Variants in C10orf67 observed in about 807,000 individuals in gnomAD.
C10orf67 encodes uncharacterized protein C10orf67, mitochondrial.
C10orf67 carries 60 observed loss-of-function variants against 35.6 expected under a neutral mutation model. The ratio of observed to expected loss-of-function variants is 1.68; its 90% CI spans 1.37 to 2.09. The LOEUF is 2.09. C10orf67 is among the 30% of genes most tolerant of loss of function. The pLI is 0.00. For synonymous variants in C10orf67, 167 were observed against 115.8 expected, an observed-to-expected ratio of 1.44 and a Z score of -2.84; for missense variants, 474 against 330.2, an observed-to-expected ratio of 1.44 and a Z score of -3.38.
At chr10:23,230,120 G>T (rs963173853) in intron 13 of C10orf67, among the ~76,000 whole-genome samples, 1 of 151,850 alleles carries the variant, frequency 6.6e-6, no homozygotes, top group Non-Finnish European at 1.5e-5. Flanking sequence ...TGTTATATTG[G>T]TGCAGGAAAA....
intron 10 of C10orf67, among the ~76,000 whole-genome samples, chr10:23,254,343 G>A (rs1173875788): frequency 6.6e-6 from 1 of 152,112 alleles, no homozygotes; most frequent in Non-Finnish European, 1.5e-5. Flanking sequence ...GAGTAGCTGG[G>A]ATTACAGGTG....
intron 4 of C10orf67, among the ~76,000 whole-genome samples, chr10:23,316,019 C>A (rs1158303671): frequency 6.6e-6 from 1 of 152,188 alleles, no homozygotes; most frequent in Non-Finnish European, 1.5e-5. Flanking sequence ...AGCCAGAAAC[C>A]TCTGTGGTCA....
intron 1 of C10orf67, among the ~76,000 whole-genome samples, chr10:23,337,331 C>T (rs1316458352): frequency 2.0e-5 from 3 of 152,106 alleles, no homozygotes; most frequent in Non-Finnish European, 4.4e-5. Context: ...CTTAGGAGTT[C>T]GAGACCAGCC....
At position 23,322,497 on chromosome 10, in the gene C10orf67, T is replaced by C; in HGVS notation, c.368A>G (p.Gln123Arg). The change falls in exon 3 of 16, where the codon CAA (glutamine) becomes CGA (arginine). Residue 123 changes from glutamine (Q) to arginine (R), a missense_variant. By Grantham distance (43) the Gln-to-Arg change is conservative (BLOSUM62 1). Coordinates refer to ENST00000636213, the MANE Select transcript of C10orf67 (RefSeq NM_001371909.1). The part of the protein sequence containing the change: ...SLQVDFGFLK[Q>R]LLQLKFEDRL... Reference sequence around the variant, plus strand: ...GTCCTCAAACTTCAACTGAAGCAATTGTTTGAGGAACCCAAAATCTACCTG... The same window carrying C: ...GTCCTCAAACTTCAACTGAAGCAATCGTTTGAGGAACCCAAAATCTACCTG... 1 of 1,612,596 alleles carries C rather than the reference T, an allele frequency of 6.2e-7. No homozygotes were observed. The highest frequency in any genetic ancestry group is 8.5e-7 in the Non-Finnish European group (1 of 1,178,794).
intron 3 of C10orf67, 58 bp from the exon 4 acceptor site, chr10:23,320,873 C>A (rs944881433): frequency 8.6e-7 from 1 of 1,163,688 alleles, no homozygotes; most frequent in Non-Finnish European, 1.2e-6. Flanking sequence ...ATGACCCACA[C>A]CTACTAGGGA....
intron 2 of C10orf67, among the ~76,000 whole-genome samples, chr10:23,323,275 C>G (rs1845029374): frequency 6.6e-6 from 1 of 152,166 alleles, no homozygotes; most frequent in Non-Finnish European, 1.5e-5. Flanking sequence ...AGCATGTTGA[C>G]TAAGAACCAT....
At chr10:23,314,146 C>T (rs868430721) in intron 4 of C10orf67, among the ~76,000 whole-genome samples, 3 of 151,984 alleles carry the variant, frequency 2.0e-5, no homozygotes, top group African/African-American at 7.3e-5. Context: ...AGAGACGGTG[C>T]CACTGCACTC....
chr10:23,320,938 AG>A lies in C10orf67; in HGVS notation c.472-124del, dbSNP rs1343834809. On this transcript the variant is annotated intron_variant, in intron 3 of 15. Coordinates refer to ENST00000636213, the MANE Select transcript of C10orf67 (RefSeq NM_001371909.1). ...ATCATCACAATCTATTGAAAACTTC[AG>A]TTCATAATCATTTCTCCCACCCTGC... is the stretch of plus-strand genomic sequence containing the variant. 3 of 660,724 alleles carry A rather than the reference AG, an allele frequency of 4.5e-6. No individual in the cohort carries two copies. The African/African-American group carries it at 5.5e-5, about 12-fold the overall frequency. 40.9% of individuals were successfully genotyped at this position (660,724 alleles called of 1,614,324 possible).
At chr10:23,219,815 T>A (rs1841529859) in intron 15 of C10orf67, among the ~76,000 whole-genome samples, 1 of 152,214 alleles carries the variant, frequency 6.6e-6, no homozygotes, top group South Asian at 2.1e-4. Context: ...ACTGTATGTT[T>A]TGATACTATT....
intron 12 of C10orf67, among the ~76,000 whole-genome samples, chr10:23,243,548 A>C (rs1030694414): frequency 6.6e-6 from 1 of 152,022 alleles, no homozygotes; most frequent in African/African-American, 2.4e-5. Flanking sequence ...TTAGCCAGGC[A>C]TGGTGGCGCA....
intron 15 of C10orf67, 36 bp from the exon 16 acceptor site, chr10:23,204,291 G>T: frequency 1.7e-6 from 1 of 590,342 alleles, no homozygotes; most frequent in South Asian, 2.2e-5. Flanking sequence ...CATAAACTTT[G>T]TTTTACTTAT....
intron 5 of C10orf67, among the ~76,000 whole-genome samples, chr10:23,297,785 C>T (rs189233292): frequency 1.1e-4 from 17 of 152,318 alleles, no homozygotes; most frequent in Admixed American, 1.0e-3. Context: ...CAGCACTGGC[C>T]CTTCAAGTAA....
chr10:23,336,357 G>A (rs1217157219), intron 1 of C10orf67, among the ~76,000 whole-genome samples: 3 of 152,002 alleles, frequency 2.0e-5, no homozygotes, highest in Non-Finnish European at 2.9e-5. Context: ...ATATATGTGT[G>A]CACATATATA....
chr10:23,269,600 T>C (rs1213458259), intron 8 of C10orf67, among the ~76,000 whole-genome samples: 1 of 152,162 alleles, frequency 6.6e-6, no homozygotes, highest in Non-Finnish European at 1.5e-5. Flanking sequence ...CAGAAATGGC[T>C]AGGATGTATT....
At chr10:23,233,238 G>A (rs1841960160) in intron 13 of C10orf67, among the ~76,000 whole-genome samples, 2 of 152,144 alleles carry the variant, frequency 1.3e-5, no homozygotes, top group Non-Finnish European at 2.9e-5. Flanking sequence ...TTATTCAAGA[G>A]AAATTAATAA....
intron 8 of C10orf67, among the ~76,000 whole-genome samples, chr10:23,278,154 A>T (rs1297069167): frequency 6.6e-6 from 1 of 152,184 alleles, no homozygotes; most frequent in Non-Finnish European, 1.5e-5. Flanking sequence ...ACATTTCTAT[A>T]TGAGATTTTG....
intron 2 of C10orf67, among the ~76,000 whole-genome samples, chr10:23,325,604 T>C (rs1167580741): frequency 2.0e-5 from 3 of 149,892 alleles, no homozygotes; most frequent in African/African-American, 4.9e-5. Context: ...CAGCATTCTT[T>C]AGGGGACTAT....
intron 5 of C10orf67, among the ~76,000 whole-genome samples, chr10:23,291,837 C>T (rs1425306605): frequency 2.6e-5 from 4 of 152,132 alleles, no homozygotes; most frequent in African/African-American, 7.2e-5. Context: ...GATATCCACA[C>T]AGTTGGTTTT....
rs567321536 is a variant in C10orf67 at position 23,342,125 on chromosome 10, C to A, written c.206+2444G>T. On this transcript the variant is annotated intron_variant, in intron 1 of 15. Transcript: ENST00000636213. ...GCTGCACTGAGCCATGATTGTGCCA[C>A]TACACTCCAGCCTGGGTGACAGAGT... Among the ~76,000 whole-genome samples the A allele has an allele frequency of 4.3e-4, 65 of 152,102 alleles. 1 individual carries two copies. Among genetic ancestry groups the A allele is most frequent in the African/African-American group, 1.5e-3 (61 of 41,494 alleles).
Sources: gnomAD v4.1 joint callset for allele counts (sites outside exome capture counted in the v4.1 genomes callset) on GRCh38, gnomAD v4.1.1 for gene constraint, MANE v1.5 for transcripts, NCBI Gene and HGNC (gene_info 2026-07-23, HGNC 2026-07-21) for gene names.